KCNH1: variants seen among roughly 807,000 people sequenced by gnomAD.
The protein encoded by KCNH1 is potassium voltage-gated channel subfamily H member 1, also known as voltage-gated delayed rectifier potassium channel KCNH1.
KCNH1 carries 27 observed loss-of-function variants against 69.2 expected under a neutral mutation model. That is an observed-to-expected ratio of 0.39 (90% CI 0.29 to 0.54). KCNH1 has a LOEUF of 0.54. Ranked by LOEUF, KCNH1 falls within the 20% of genes least tolerant of loss-of-function variation. KCNH1 has a pLI of 0.68. For missense variants in KCNH1, 798 were observed against 1,261.6 expected, an observed-to-expected ratio of 0.63 and a Z score of 5.57; for synonymous variants, 456 against 487.7, an observed-to-expected ratio of 0.93 and a Z score of 0.86.
intron 6 of KCNH1, among the ~76,000 whole-genome samples, chr1:210,983,050 T>C (rs1289331662): frequency 1.3e-5 from 2 of 152,200 alleles, no homozygotes; most frequent in Non-Finnish European, 2.9e-5. Context: ...CCGTGTTTTT[T>C]GGCTGCATAA....
intron 10 of KCNH1, among the ~76,000 whole-genome samples, chr1:210,751,097 G>A (rs1683273831): frequency 6.6e-6 from 1 of 152,186 alleles, no homozygotes; most frequent in African/African-American, 2.4e-5. Context: ...GCATCTTTGA[G>A]TTGTGGTTCT....
chr1:210,703,213 T>C (rs137881930), intron 10 of KCNH1, among the ~76,000 whole-genome samples: 2 of 152,342 alleles, frequency 1.3e-5, no homozygotes, highest in East Asian at 3.9e-4. Flanking sequence ...AAAATACTTG[T>C]AATTTATGAC....
chr1:210,729,536 G>A (rs1182014040), intron 10 of KCNH1, among the ~76,000 whole-genome samples: 1 of 152,228 alleles, frequency 6.6e-6, no homozygotes, highest in Non-Finnish European at 1.5e-5. Flanking sequence ...TGAAACTCAA[G>A]TGAGTAAGAA....
intron 6 of KCNH1, among the ~76,000 whole-genome samples, chr1:210,922,638 T>TC (rs1687488424): frequency 1.3e-5 from 2 of 152,106 alleles, no homozygotes; most frequent in South Asian, 4.1e-4. Flanking sequence ...CCTGTGTTTT[T>TC]CTCAAAAACC....
rs1558540964 is a variant in KCNH1, at chr1:210,957,740, T to C, written c.1033-37671A>G. On this transcript the variant is annotated intron_variant, in intron 6 of 10. Transcript: ENST00000271751. The stretch of plus-strand genomic sequence containing the variant: ...TATCAGAGACTAGGATTGCAACCCA[T>C]GCTTTTTTTGCTTTCCATTTGCTTG... 3.9e-5 allele frequency among the ~76,000 whole-genome samples: 6 copies of C among 152,294 alleles called. No individual in the cohort carries two copies. The South Asian group carries it at 1.2e-3, about 32-fold the overall frequency.
intron 5 of KCNH1, among the ~76,000 whole-genome samples, chr1:211,060,074 A>G (rs1339058484): frequency 1.3e-5 from 2 of 152,176 alleles, no homozygotes; most frequent in African/African-American, 4.8e-5. Flanking sequence ...ATCAATAACA[A>G]GAGGAATTTT....
intron 10 of KCNH1, among the ~76,000 whole-genome samples, chr1:210,695,680 A>G (rs1486401500): frequency 6.6e-6 from 1 of 152,232 alleles, no homozygotes; most frequent in African/African-American, 2.4e-5. Flanking sequence ...GACAGATTGC[A>G]TGACTTGGGC....
At chr1:210,875,023 G>A (rs1398754251) in intron 7 of KCNH1, among the ~76,000 whole-genome samples, 1 of 152,132 alleles carries the variant, frequency 6.6e-6, no homozygotes, top group Non-Finnish European at 1.5e-5. Flanking sequence ...GGGAAGGAAG[G>A]AAGGAGGAAA....
At chr1:210,818,564 G>T (rs1684864108) in intron 7 of KCNH1, among the ~76,000 whole-genome samples, 1 of 152,106 alleles carries the variant, frequency 6.6e-6, no homozygotes, top group Non-Finnish European at 1.5e-5. Context: ...CTGCCTTATA[G>T]TAAGATTTTG....
chr1:210,715,957 T>C (rs1029947399), intron 10 of KCNH1, among the ~76,000 whole-genome samples: 8 of 152,092 alleles, frequency 5.3e-5, no homozygotes, highest in African/African-American at 1.9e-4. Context: ...ACCCTGGCCT[T>C]AGGGATACAA....
chr1:211,109,473 C>A (rs1018414256), intron 1 of KCNH1, among the ~76,000 whole-genome samples: 1 of 152,126 alleles, frequency 6.6e-6, no homozygotes, highest in African/African-American at 2.4e-5. Flanking sequence ...CTAAATTACT[C>A]CCAAGTGTAT....
chr1:211,129,495 C>T (rs1691839587), intron 1 of KCNH1, among the ~76,000 whole-genome samples: 1 of 152,200 alleles, frequency 6.6e-6, no homozygotes, highest in Admixed American at 6.5e-5. Context: ...CATTAAATGA[C>T]AAGGCTTCAG....
intron 10 of KCNH1, among the ~76,000 whole-genome samples, chr1:210,764,665 C>T (rs1334911521): frequency 6.6e-6 from 1 of 152,138 alleles, no homozygotes; most frequent in East Asian, 1.9e-4. Flanking sequence ...CAAAGAAATA[C>T]CATCTCACAC....
chr1:210,838,148 T>C (rs1024481267), intron 7 of KCNH1, among the ~76,000 whole-genome samples: 3 of 152,068 alleles, frequency 2.0e-5, no homozygotes, highest in Non-Finnish European at 2.9e-5. Context: ...AACAGACACA[T>C]AGACCAGTAG....
At chr1:211,121,343 T>C (rs1476499338) in intron 1 of KCNH1, among the ~76,000 whole-genome samples, 5 of 152,002 alleles carry the variant, frequency 3.3e-5, no homozygotes, top group Non-Finnish European at 5.9e-5. Context: ...TATAGACCAA[T>C]GGAGCAGAAC....
At chr1:210,983,087 C>T (rs927554436) in intron 6 of KCNH1, among the ~76,000 whole-genome samples, 3 of 151,112 alleles carry the variant, frequency 2.0e-5, no homozygotes, top group African/African-American at 7.3e-5. Context: ...AGTGTCTGTT[C>T]ATATCCTTCA....
chr1:210,706,405 T>C (rs563071134), intron 10 of KCNH1, among the ~76,000 whole-genome samples: 6 of 152,348 alleles, frequency 3.9e-5, no homozygotes, highest in South Asian at 2.1e-4. Context: ...GAAAGTAAAA[T>C]CTAACACAAA....
intron 10 of KCNH1, among the ~76,000 whole-genome samples, chr1:210,732,635 T>C (rs1446963838): frequency 6.6e-6 from 1 of 152,200 alleles, no homozygotes; most frequent in African/African-American, 2.4e-5. Flanking sequence ...CTGGGTAATT[T>C]ATAAATAACA....
intron 1 of KCNH1, among the ~76,000 whole-genome samples, chr1:211,118,195 A>G (rs2102495348): frequency 6.6e-6 from 1 of 152,344 alleles, no homozygotes; most frequent in Non-Finnish European, 1.5e-5. Flanking sequence ...TGTGTCTTTG[A>G]AAACAAATAT....
Sources: gnomAD v4.1 joint callset for allele counts (sites outside exome capture counted in the v4.1 genomes callset) on GRCh38, gnomAD v4.1.1 for gene constraint, MANE v1.5 for transcripts, NCBI Gene and HGNC (gene_info 2026-07-23, HGNC 2026-07-21) for gene names.